The following UBR4 variants were observed in gnomAD, a reference collection of about 807,000 sequenced individuals.
UBR4 encodes E3 ubiquitin-protein ligase UBR4.
Under a neutral mutation model 575.6 loss-of-function variants are expected in UBR4, and 124 were observed. The observed-to-expected ratio is 0.22, with a 90% CI of 0.19 to 0.25. UBR4 has a LOEUF of 0.25. UBR4 is among the 10% of genes least tolerant of loss of function. UBR4 has a pLI of 1.00. For synonymous variants in UBR4, 2,455 were observed against 2,473.7 expected (o/e 0.99, Z 0.22); for missense variants, 4,818 against 6,478.8 (o/e 0.74, Z 8.80).
At chr1:19,095,686 CA>C in intron 92 of UBR4, 34 bp from the exon 93 acceptor site, 1 of 1,600,920 alleles carries the variant, frequency 6.2e-7, no homozygotes, top group Non-Finnish European at 8.6e-7. Context: ...CCCATGAGGC[CA>C]CATGAGAGTG....
intron 87 of UBR4, among the ~76,000 whole-genome samples, chr1:19,102,085 C>T (rs1315815627): frequency 1.3e-5 from 2 of 152,152 alleles, no homozygotes; most frequent in Non-Finnish European, 2.9e-5. Flanking sequence ...CGAAAAAACA[C>T]AACTTAAAGT....
rs2090436135 is a variant in UBR4, at chr1:19,177,802, T to C, written c.2355-59A>G. 15 of 1,560,250 alleles carry C rather than the reference T, an allele frequency of 9.6e-6. No homozygotes were observed. The South Asian group carries it at 1.4e-4, about 15-fold the overall frequency. On this transcript the variant is annotated intron_variant, in intron 18 of 105. Coordinates refer to ENST00000375254, the MANE Select transcript of UBR4 (RefSeq NM_020765.3). ...GAAAAAGAGCATTCCCCAGGAGTTA[T>C]AATGTCAAGCACTAGAAGAGTTAAA...
chr1:19,104,081 T>C lies in UBR4; in HGVS notation c.12901+3A>G. 6.2e-7 allele frequency: 1 copy of C among 1,614,122 alleles called. No homozygotes were observed. The highest frequency in any genetic ancestry group is 8.5e-7 in the Non-Finnish European group (1 of 1,179,984). On this transcript the variant is annotated splice_donor_region_variant and intron_variant, in intron 87 of 105. Transcript: ENST00000375254. ...TAGGCTCCAGGCCACTGGGCAGTGCTACCTGTGGTCATGTCCTCCAGCATC... is the reference window on the plus strand; with the variant it reads ...TAGGCTCCAGGCCACTGGGCAGTGCCACCTGTGGTCATGTCCTCCAGCATC...
intron 11 of UBR4, among the ~76,000 whole-genome samples, chr1:19,190,450 G>A (rs535892802): frequency 5.3e-5 from 8 of 151,848 alleles, no homozygotes; most frequent in Admixed American, 3.3e-4. Flanking sequence ...ATTTGTTAAT[G>A]CAGTCCAGGC....
At position 19,096,791 on chromosome 1, in the gene UBR4, G is replaced by A. The variant is rs1358453808; in HGVS notation, c.13391-141C>T. ...TCCAATAAAGACACGGCCAATAAAA[G>A]GGGTCAATGATGGATGATATTAAAC... On this transcript the variant is annotated intron_variant, in intron 91 of 105. Transcript: ENST00000375254. The A allele has an allele frequency of 1.3e-5, 17 of 1,271,942 alleles. No homozygotes were observed. The East Asian group carries it at 4.1e-4, about 31-fold the overall frequency. The allele number at this position is 1,271,942 out of a possible 1,614,324, so 78.8% of individuals were successfully genotyped here. A position where few individuals can be genotyped will look rare whatever the true frequency, so the allele number is the denominator to read the frequency against.
Position 19,153,030 on chromosome 1 carries a change from C to T in UBR4, c.6832+271G>A, listed in dbSNP as rs75845688. On this transcript the variant is annotated intron_variant, in intron 46 of 105. Coordinates refer to ENST00000375254, the MANE Select transcript of UBR4 (RefSeq NM_020765.3). This position sits in a 1 kb window ranked among gnomAD's most constrained non-coding sequence, Gnocchi z 4.1. The stretch of plus-strand genomic sequence containing the variant: ...ACTTCAATCAGTTCTTCAGGGAAGT[C>T]ATTCTCCTAAACCTAGAGAGAACAA... Among the ~76,000 whole-genome samples, 2,957 of 152,308 alleles carry T rather than the reference C, an allele frequency of 0.019. 97 individuals carry two copies. The highest frequency in any genetic ancestry group is 0.067 in the African/African-American group (2,797 of 41,540).
intron 3 of UBR4, among the ~76,000 whole-genome samples, chr1:19,199,357 ACT>A (rs1232069122): frequency 1.3e-5 from 2 of 151,994 alleles, no homozygotes; most frequent in Non-Finnish European, 2.9e-5. Flanking sequence ...CCTTGAGAAG[ACT>A]CTGTAGCCCC....
intron 97 of UBR4, chr1:19,092,593 G>A (rs2077631347): frequency 2.2e-6 from 1 of 457,410 alleles, no homozygotes; most frequent in Admixed American, 3.8e-5. Context: ...TTCAACAGTT[G>A]CACAGGTGAC....
At chr1:19,156,703 C>A in intron 41 of UBR4, 64 bp downstream of exon 41, 3 of 1,554,222 alleles carry the variant, frequency 1.9e-6, no homozygotes, top group Non-Finnish European at 2.6e-6. Flanking sequence ...GTTCTGAGAA[C>A]AGGGGAGAGA....
At chr1:19,184,801 C>T (rs1315446717) in intron 15 of UBR4, among the ~76,000 whole-genome samples, 2 of 152,036 alleles carry the variant, frequency 1.3e-5, no homozygotes, top group Non-Finnish European at 2.9e-5. Flanking sequence ...GTCACAACAC[C>T]TTTAGATGCA....
chr1:19,126,796 A>C (rs1222621928), intron 63 of UBR4, 141 bp from the exon 64 acceptor site: 1 of 876,892 alleles, frequency 1.1e-6, no homozygotes, highest in African/African-American at 1.7e-5. Flanking sequence ...CTTGCACTGA[A>C]ACTTCCCCAA....
In UBR4 at chr1:19,128,204, A is replaced by AT. The variant is rs2082032264; in HGVS notation, c.9111+6dup. On this transcript the variant is annotated splice_region_variant and intron_variant, in intron 62 of 105. Transcript: ENST00000375254. ...GTTTCTCACACAGTCTGCCTCTCAG[A>AT]TTTTACCTTTTTATCCATACCCAAC... 1 of 1,613,000 alleles carries AT rather than the reference A, an allele frequency of 6.2e-7. No homozygotes were observed. The highest frequency in any genetic ancestry group is 1.3e-5 in the African/African-American group (1 of 74,874).
rs2090621820 is a variant in UBR4 at position 19,179,308 on chromosome 1, T to G, written c.2185-88A>C. On this transcript the variant is annotated intron_variant, in intron 17 of 105. Coordinates refer to ENST00000375254, the MANE Select transcript of UBR4 (RefSeq NM_020765.3). Reference sequence around the variant, plus strand: ...CTCATGTTCTCAAACGTTTGTTTGTTTAATATTGAACAGAATATTTTAAAG... The same window carrying G: ...CTCATGTTCTCAAACGTTTGTTTGTGTAATATTGAACAGAATATTTTAAAG... 4 of 1,342,412 alleles carry G rather than the reference T, an allele frequency of 3.0e-6. 1 individual carries two copies. The South Asian group carries it at 7.3e-5, about 25-fold the overall frequency. 83.2% of individuals were successfully genotyped at this position (1,342,412 alleles called of 1,614,324 possible). A position where few individuals can be genotyped will look rare whatever the true frequency, so the allele number is the denominator to read the frequency against.
At chr1:19,177,214 G>A (rs1356669498) in intron 19 of UBR4, among the ~76,000 whole-genome samples, 1 of 152,166 alleles carries the variant, frequency 6.6e-6, no homozygotes, top group Non-Finnish European at 1.5e-5. Flanking sequence ...CAATTCGTGG[G>A]AGAATGCCTT....
chr1:19,186,676 C>A lies in UBR4; in HGVS notation c.1633-19G>T, dbSNP rs754130868. ...CACATGCCTAGGAAAATGACAATTACAAAACCGGAGCCATCCTATTTAATC... is the reference window on the plus strand; with the variant it reads ...CACATGCCTAGGAAAATGACAATTAAAAAACCGGAGCCATCCTATTTAATC... On this transcript the variant is annotated intron_variant, in intron 13 of 105. Transcript: ENST00000375254. The A allele has an allele frequency of 7.4e-6, 12 of 1,610,878 alleles. No homozygotes were observed. The highest frequency in any genetic ancestry group is 5.3e-5 in the African/African-American group (4 of 74,838).
At chr1:19,176,868 G>T in intron 19 of UBR4, 141 bp from the exon 20 acceptor site, 1 of 1,019,076 alleles carries the variant, frequency 9.8e-7, no homozygotes, top group Non-Finnish European at 1.4e-6. Context: ...TGTTTTATTG[G>T]GCACCATTCA....
chr1:19,109,383 T>C (rs1020115045), intron 81 of UBR4, among the ~76,000 whole-genome samples: 1 of 152,248 alleles, frequency 6.6e-6, no homozygotes, highest in African/African-American at 2.4e-5. Flanking sequence ...ATTATAGATG[T>C]TATACCATCC....
chr1:19,192,250 G>A lies in UBR4; in HGVS notation c.1332C>T (p.Val444=). ...CTTTAGTACGAGAAAGGATGTCTCTGACTCGGAGGGCAGCCAGTGGGTCCT... is the reference window on the plus strand; with the variant it reads ...CTTTAGTACGAGAAAGGATGTCTCTAACTCGGAGGGCAGCCAGTGGGTCCT... ...KEKDPLAALR[V]RDILSRTKEG... The change falls in exon 11 of 106, where the codon GTC becomes GTT. Residue 444 remains valine (V), a synonymous_variant. Coordinates refer to ENST00000375254, the MANE Select transcript of UBR4 (RefSeq NM_020765.3). 2 of 1,614,180 alleles carry A rather than the reference G, an allele frequency of 1.2e-6. No homozygotes were observed. Among genetic ancestry groups the A allele is most frequent in the East Asian group, 2.2e-5 (1 of 44,882 alleles).
At chr1:19,120,414 G>A in intron 68 of UBR4, 66 bp from the exon 69 acceptor site, 1 of 1,545,072 alleles carries the variant, frequency 6.5e-7, no homozygotes, top group African/African-American at 1.4e-5. Context: ...CCTAAGGCCT[G>A]GGCTACCAAA....
Sources: allele counts gnomAD v4.1 joint callset (sites outside exome capture counted in the v4.1 genomes callset), GRCh38; gene constraint gnomAD v4.1.1; non-coding constraint Gnocchi (gnomAD v3.1); transcripts MANE v1.5; gene names NCBI Gene and HGNC (gene_info 2026-07-23, HGNC 2026-07-21).